Variants in STS observed in about 807,000 individuals in gnomAD.
STS encodes steryl-sulfatase.
Under a neutral mutation model 26.8 loss-of-function variants are expected in STS, and 7 were observed. The ratio of observed to expected loss-of-function variants is 0.26; its 90% CI spans 0.15 to 0.49. The LOEUF is 0.49. Among genes scored for constraint, STS ranks in the 20% least tolerant of loss-of-function variants. The pLI is 0.98. For synonymous variants in STS, 199 were observed against 189.4 expected, an observed-to-expected ratio of 1.05 and a Z score of -0.42; for missense variants, 434 against 465.6, an observed-to-expected ratio of 0.93 and a Z score of 0.63.
intron 7 of STS, among the ~76,000 whole-genome samples, chrX:7,282,721 C>G (rs1271037007): frequency 8.9e-6 from 1 of 111,945 alleles, no homozygotes; most frequent in African/African-American, 3.3e-5. Context: ...GTTCTATAGA[C>G]CAGGTACACA....
intron 2 of STS, among the ~76,000 whole-genome samples, chrX:7,202,262 G>A (rs1214292819): frequency 9.0e-6 from 1 of 111,382 alleles, no homozygotes; most frequent in Non-Finnish European, 1.9e-5. Flanking sequence ...TTTTCCTGTT[G>A]AGAGCGTTCT....
chrX:7,294,970 G>A (rs1216228258), intron 7 of STS, among the ~76,000 whole-genome samples: 3 of 111,836 alleles, frequency 2.7e-5, no homozygotes, highest in Non-Finnish European at 5.6e-5. Context: ...AGATATCTGG[G>A]TTCAAAGTTA....
At chrX:7,263,215 T>C (rs5934831) in intron 6 of STS, among the ~76,000 whole-genome samples, 44,181 of 109,858 alleles carry the variant, frequency 0.4, 6,610 homozygotes, top group African/African-American at 0.45. Flanking sequence ...ATTACAGGTG[T>C]GTGCCACCAC....
At chrX:7,255,873 A>G (rs1324581776) in intron 3 of STS, among the ~76,000 whole-genome samples, 1 of 112,498 alleles carries the variant, frequency 8.9e-6, no homozygotes, top group Non-Finnish European at 1.9e-5. Context: ...CAAGCTATGC[A>G]TCATTGCAGC....
At chrX:7,204,907 C>T (rs749786045) in intron 2 of STS, among the ~76,000 whole-genome samples, 21 of 107,884 alleles carry the variant, frequency 1.9e-4, no homozygotes, top group African/African-American at 6.1e-4. Context: ...CTCCTTCGCT[C>T]TCTCTCTTGC....
intron 8 of STS, among the ~76,000 whole-genome samples, chrX:7,308,093 T>A (rs978458152): frequency 8.0e-5 from 9 of 112,290 alleles, no homozygotes; most frequent in Non-Finnish European, 1.7e-4. Flanking sequence ...AGCAGGCCCC[T>A]AAGAGGGGTC....
chrX:7,177,467 G>GTA (rs1221044175), intron 1 of STS, among the ~76,000 whole-genome samples: 4 of 103,222 alleles, frequency 3.9e-5, no homozygotes, highest in African/African-American at 7.2e-5. Flanking sequence ...TATTATATAT[G>GTA]TATATATATA....
Position 7,334,119 on chromosome X carries a change from G to T in STS, c.1363+12G>T, listed in dbSNP as rs1927897711. 2 of 1,209,629 alleles carry T rather than the reference G, an allele frequency of 1.7e-6. No individual in the cohort carries two copies. The highest frequency in any genetic ancestry group is 3.5e-5 in the African/African-American group (2 of 57,151). ...GCACCCTCAGAACAGTGAGTAAACA[G>T]ACCTTTCCACGCTCCTCATGCTCCG... is the stretch of plus-strand genomic sequence containing the variant. On this transcript the variant is annotated intron_variant, in intron 10 of 10. Transcript: ENST00000674429.
chrX:7,190,767 CA>C (rs35514726), intron 1 of STS, among the ~76,000 whole-genome samples, 112 bp from the exon 2 acceptor site: 161 of 98,009 alleles, frequency 1.6e-3, no homozygotes, highest in African/African-American at 3.5e-3. Flanking sequence ...GACCCTCTCT[CA>C]AAAAAAAAAA....
At chrX:7,148,316 CAGCTGTAGCT>C in intron 1 of STS, 1 of 263,915 alleles carries the variant, frequency 3.8e-6, no homozygotes, top group Non-Finnish European at 6.8e-6. Context: ...GCTTTCGCCG[CAGCTGTAGCT>C]GCAGACCCGG....
chrX:7,172,207 G>A (rs756371976), intron 1 of STS, among the ~76,000 whole-genome samples: 2 of 111,661 alleles, frequency 1.8e-5, no homozygotes, highest in South Asian at 3.7e-4. Flanking sequence ...TCACTCTGCA[G>A]TATGACCCTA....
chrX:7,154,163 C>A (rs751943438), intron 1 of STS, among the ~76,000 whole-genome samples: 1 of 111,860 alleles, frequency 8.9e-6, no homozygotes, highest in Non-Finnish European at 1.9e-5. Context: ...ACTGGCCCTG[C>A]CTGCTGAAGC....
At chrX:7,322,938 C>G (rs1422886076) in intron 8 of STS, among the ~76,000 whole-genome samples, 2 of 112,110 alleles carry the variant, frequency 1.8e-5, no homozygotes, top group African/African-American at 3.2e-5. Flanking sequence ...TAATTATATT[C>G]TAATTGCTTC....
chrX:7,321,811 C>T (rs1489649736), intron 8 of STS, among the ~76,000 whole-genome samples: 5 of 112,098 alleles, frequency 4.5e-5, no homozygotes, highest in African/African-American at 9.7e-5. Context: ...AAATTCCTGA[C>T]GGCTACTTCA....
intron 7 of STS, among the ~76,000 whole-genome samples, chrX:7,279,292 A>AAATATATAT (rs1477179869): frequency 9.6e-5 from 6 of 62,772 alleles, no homozygotes; most frequent in African/African-American, 3.1e-4. Flanking sequence ...AAAAAAAAAA[A>AAATATATAT]ATATATATAT....
Position 7,275,941 on chromosome X carries a change from T to C in STS, c.807-10T>C. The C allele has an allele frequency of 8.7e-7, 1 of 1,152,763 alleles. No individual in the cohort carries two copies. ...TTTTTTTTCCTCCCTTTTTTTTTTTTTTTTTGCAGGAACACTGAGACTCCG... is the reference window on the plus strand; with the variant it reads ...TTTTTTTTCCTCCCTTTTTTTTTTTCTTTTTGCAGGAACACTGAGACTCCG... On this transcript the variant is annotated splice_polypyrimidine_tract_variant and intron_variant, in intron 6 of 10. Coordinates refer to ENST00000674429, the MANE Select transcript of STS (RefSeq NM_001320752.2).
At chrX:7,237,568 A>T (rs1179097882) in intron 2 of STS, among the ~76,000 whole-genome samples, 2 of 112,445 alleles carry the variant, frequency 1.8e-5, no homozygotes, top group Non-Finnish European at 3.7e-5. Context: ...GTATGTTGTG[A>T]TGGTTAATTT....
intron 1 of STS, among the ~76,000 whole-genome samples, chrX:7,177,601 C>T (rs999124986): frequency 1.2e-4 from 13 of 108,781 alleles, no homozygotes; most frequent in Middle Eastern, 9.6e-3. Context: ...CAACCTCTGC[C>T]TCCTGGGTTC....
intron 7 of STS, among the ~76,000 whole-genome samples, chrX:7,279,884 C>G (rs1924775727): frequency 9.0e-6 from 1 of 111,224 alleles, no homozygotes; most frequent in Admixed American, 9.5e-5. Context: ...GGTCCCTGTG[C>G]AGCAGGTGAT....
Sources: gnomAD v4.1 joint callset for allele counts (sites outside exome capture counted in the v4.1 genomes callset) on GRCh38, gnomAD v4.1.1 for gene constraint, MANE v1.5 for transcripts, NCBI Gene and HGNC (gene_info 2026-07-23, HGNC 2026-07-21) for gene names.